Variants in UCP2 observed in about 807,000 individuals in gnomAD.
UCP2 encodes the protein uncoupling protein 2.
A neutral mutation model predicts 31.3 loss-of-function variants in UCP2; 27 were observed. That is an observed-to-expected ratio of 0.86 (90% CI 0.64 to 1.19). The LOEUF is 1.19. Ranked by LOEUF, UCP2 falls within the 50% of genes most tolerant of loss-of-function variation. UCP2 has a pLI of 0.00. For synonymous variants in UCP2, 142 were observed against 157.4 expected (o/e 0.90, Z 0.73); for missense variants, 377 against 413.5 (o/e 0.91, Z 0.76).
chr11:73,976,564 G>A, intron 6 of UCP2, 77 bp downstream of exon 6: 1 of 1,124,718 alleles, frequency 8.9e-7, no homozygotes, highest in Non-Finnish European at 1.3e-6. Context: ...GTGGTCTTCT[G>A]GTGTCAGCTA....
intron 7 of UCP2, 103 bp from the exon 8 acceptor site, chr11:73,975,224 T>TG: frequency 2.6e-6 from 3 of 1,149,540 alleles, no homozygotes; most frequent in Non-Finnish European, 3.8e-6. Context: ...CAAAGGAGGC[T>TG]GGGAGGACTC....
At position 73,974,959 on chromosome 11, in the gene UCP2, C is replaced by G; in HGVS notation, c.*48G>C. The G allele has an allele frequency of 1.6e-6, 2 of 1,267,428 alleles. No individual in the cohort carries two copies. The highest frequency in any genetic ancestry group is 2.1e-6 in the Non-Finnish European group (2 of 947,786). 78.5% of individuals were successfully genotyped at this position (1,267,428 alleles called of 1,614,324 possible). On this transcript the variant is annotated 3_prime_UTR_variant, in exon 8 of 8. Coordinates refer to ENST00000663595, the MANE Select transcript of UCP2 (RefSeq NM_003355.3). ...AGAAGGAAGAAAAGGAAAGCATGGC[C>G]CGGCTAGAGACAAAGCCAGAGGTGA...
rs769876535 is a variant in UCP2, at chr11:73,975,549, C to T, written c.757G>A (p.Ala253Thr). ...AGCATGGTAAGGGCACAGTGGCCAG[C>T]GCTACTGTACTGGCCCAGGGCAGAG... ...MNSALGQYSS[A>T]GHCALTMLQK... Residue 253 changes from alanine (A) to threonine (T), a missense_variant, in exon 7 of 8, where the codon GCT becomes ACT. Ala to Thr is a moderately conservative substitution (Grantham distance 58). Coordinates refer to ENST00000663595, the MANE Select transcript of UCP2 (RefSeq NM_003355.3). 29 of 1,613,750 alleles carry T rather than the reference C, an allele frequency of 1.8e-5. No homozygotes were observed. Among genetic ancestry groups the T allele is most frequent in the South Asian group, 4.4e-5 (4 of 91,050 alleles).
intron 4 of UCP2, among the ~76,000 whole-genome samples, chr11:73,977,597 A>C (rs1951374927): frequency 6.6e-6 from 1 of 151,948 alleles, no homozygotes; most frequent in South Asian, 2.1e-4. Flanking sequence ...CCAAGTCCCC[A>C]CTCTACCCAC....
At chr11:73,976,513 T>A (rs561789204) in intron 6 of UCP2, 128 bp downstream of exon 6, 1 of 773,514 alleles carries the variant, frequency 1.3e-6, no homozygotes, top group African/African-American at 1.7e-5. Context: ...AAGTAAGAGA[T>A]ATCTTACTCT....
chr11:73,977,039 AG>A (rs1951361889), intron 4 of UCP2, 22 bp from the exon 5 acceptor site: 2 of 1,588,498 alleles, frequency 1.3e-6, no homozygotes, highest in East Asian at 2.2e-5. Flanking sequence ...CCATGGGGTC[AG>A]TGGCCAGCGG....
chr11:73,978,215 G>GTT lies in UCP2; in HGVS notation c.126+37_126+38insAA, dbSNP rs1951393419. ...TCTGTGTCTTTGGGGAGGGAACAGA[G>GTT]TAGACACCATCAAGACTCCCAGGCT... On this transcript the variant is annotated intron_variant, in intron 3 of 7. Coordinates refer to ENST00000663595, the MANE Select transcript of UCP2 (RefSeq NM_003355.3). The GTT allele has an allele frequency of 2.5e-6, 4 of 1,614,146 alleles. No homozygotes were observed. In the East Asian group the frequency reaches 8.9e-5, roughly 36 times the overall value.
Position 73,975,577 on chromosome 11 carries a change from C to G in UCP2, c.729G>C (p.Met243Ile), listed in dbSNP as rs139945658. 2.2e-5 allele frequency: 36 copies of G among 1,614,172 alleles called. 1 individual carries two copies. The highest frequency in any genetic ancestry group is 1.4e-5 in the Non-Finnish European group (17 of 1,180,034). ...TACTGTACTGGCCCAGGGCAGAGTT[C>G]ATGTATCTCGTCTTGACCACGTCTA... is the stretch of plus-strand genomic sequence containing the variant. Reference protein sequence around the residue: ...SPVDVVKTRYMNSALGQYSSA... With the variant: ...SPVDVVKTRYINSALGQYSSA... The change falls in exon 7 of 8, where the codon ATG (methionine) becomes ATC (isoleucine). Residue 243 changes from methionine (M) to isoleucine (I), a missense_variant. Physicochemically the swap from Met to Ile is conservative, Grantham distance 10. Transcript: ENST00000663595.
chr11:73,982,250 A>C (rs554248871), intron 1 of UCP2, among the ~76,000 whole-genome samples: 47 of 152,346 alleles, frequency 3.1e-4, no homozygotes, highest in Admixed American at 1.0e-3. Context: ...AACAAAAGGG[A>C]CTAAGAAAAA....
Position 73,976,819 on chromosome 11 carries a change from A to G in UCP2, c.532+4T>C. The stretch of plus-strand genomic sequence containing the variant: ...AAGGGGAAGGGAAAACAACTGGTAC[A>G]CACCTTTCCAGAGGCCCCGGAACCC... On this transcript the variant is annotated splice_donor_region_variant and intron_variant, in intron 5 of 7. Coordinates refer to ENST00000663595, the MANE Select transcript of UCP2 (RefSeq NM_003355.3). 1 of 1,614,188 alleles carries G rather than the reference A, an allele frequency of 6.2e-7. No homozygotes were observed. The highest frequency in any genetic ancestry group is 1.3e-5 in the African/African-American group (1 of 75,040).
rs771272313 is a variant in UCP2 at position 73,975,720 on chromosome 11, C to G, written c.635-49G>C. On this transcript the variant is annotated intron_variant, in intron 6 of 7. Coordinates refer to ENST00000663595, the MANE Select transcript of UCP2 (RefSeq NM_003355.3). ...CAGTCAAGATCTTCACCCATCATTC[C>G]AGAAGGCAGGAGAATTACTTAAGTA... 2.5e-6 allele frequency: 4 copies of G among 1,607,896 alleles called. No individual in the cohort carries two copies. The South Asian group carries it at 4.4e-5, about 18-fold the overall frequency.
chr11:73,974,998 A>G lies in UCP2; in HGVS notation c.*9T>C, dbSNP rs2135361668. 6.4e-7 allele frequency: 1 copy of G among 1,555,720 alleles called. No homozygotes were observed. The highest frequency in any genetic ancestry group is 1.7e-4 in the Middle Eastern group (1 of 5,844). ...AGCCAGAGGTGATCAGGTCAGCAGC[A>G]GGAGAGGCTCAGAAGGGAGCCTCTC... On this transcript the variant is annotated 3_prime_UTR_variant, in exon 8 of 8. Transcript: ENST00000663595.
At position 73,975,023 on chromosome 11, in the gene UCP2, CG is replaced by C. The variant is rs775566898; in HGVS notation, c.913del (p.Arg305GlufsTer13). 6.2e-7 allele frequency: 1 copy of C among 1,608,848 alleles called. No homozygotes were observed. Among genetic ancestry groups the C allele is most frequent in the Admixed American group, 1.7e-5 (1 of 59,320 alleles). On this transcript the variant is annotated frameshift_variant, in exon 8 of 8. Coordinates refer to ENST00000663595, the MANE Select transcript of UCP2 (RefSeq NM_003355.3). LOFTEE classifies it high-confidence loss of function. The stretch of plus-strand genomic sequence containing the variant: ...AGGAGAGGCTCAGAAGGGAGCCTCT[CG>C]GGAAGTGCAGGCAGCCATGAGGGCT... ...KRALMAACTS[R>X]EAPF
At position 73,974,942 on chromosome 11, in the gene UCP2, G is replaced by C; in HGVS notation, c.*65C>G. ...GGAAGGAGGGAAGAGAAAGAAGGAA[G>C]AAAAGGAAAGCATGGCCCGGCTAGA... On this transcript the variant is annotated 3_prime_UTR_variant, in exon 8 of 8. Transcript: ENST00000663595. 1 of 1,371,824 alleles carries C rather than the reference G, an allele frequency of 7.3e-7. No homozygotes were observed. Among genetic ancestry groups the C allele is most frequent in the South Asian group, 1.2e-5 (1 of 81,810 alleles). 85.0% of individuals were successfully genotyped at this position (1,371,824 alleles called of 1,614,324 possible). A position where few individuals can be genotyped will look rare whatever the true frequency, so the allele number is the denominator to read the frequency against.
chr11:73,976,077 CA>C (rs1041665047), intron 6 of UCP2, among the ~76,000 whole-genome samples: 2 of 151,942 alleles, frequency 1.3e-5, no homozygotes, highest in Non-Finnish European at 2.9e-5. Flanking sequence ...AAAAAACAAA[CA>C]AGAGGATGGG....
chr11:73,982,472 C>T (rs562822008), intron 1 of UCP2, among the ~76,000 whole-genome samples: 1 of 152,298 alleles, frequency 6.6e-6, no homozygotes, highest in Non-Finnish European at 1.5e-5. Flanking sequence ...GTAATCCCAG[C>T]TACTCGGCAG....
intron 4 of UCP2, among the ~76,000 whole-genome samples, chr11:73,977,329 T>C (rs1232444701): frequency 6.6e-6 from 1 of 152,196 alleles, no homozygotes; most frequent in Non-Finnish European, 1.5e-5. Flanking sequence ...ATCTGACAAA[T>C]GTGAAAACCA....
chr11:73,974,912 AGAAG>A lies in UCP2; in HGVS notation c.*91_*94del. 1.4e-6 allele frequency: 1 copy of A among 707,806 alleles called. No homozygotes were observed. The allele number at this position is 707,806 out of a possible 1,614,324, so 43.8% of individuals were successfully genotyped here. On this transcript the variant is annotated 3_prime_UTR_variant, in exon 8 of 8. Coordinates refer to ENST00000663595, the MANE Select transcript of UCP2 (RefSeq NM_003355.3). ...AAGAGGTGGGGAAAGAGGGAAGGAG[AGAAG>A]GGAAGGAGGGAAGAGAAAGAAGGAA...
Position 73,978,487 on chromosome 11 carries a change from G to A in UCP2, c.-99-10C>T, listed in dbSNP as rs577548374. Reference sequence around the variant, plus strand: ...GGAACTCTGCCGGAATCTAAGCCAAGAGGAGAAAAGCCCCATTAGCCACAA... The same window carrying A: ...GGAACTCTGCCGGAATCTAAGCCAAAAGGAGAAAAGCCCCATTAGCCACAA... On this transcript the variant is annotated splice_polypyrimidine_tract_variant and intron_variant, in intron 2 of 7. Transcript: ENST00000663595. 2 of 1,509,814 alleles carry A rather than the reference G, an allele frequency of 1.3e-6. No individual in the cohort carries two copies. The highest frequency in any genetic ancestry group is 1.4e-5 in the African/African-American group (1 of 72,590). 93.5% of individuals were successfully genotyped at this position (1,509,814 alleles called of 1,614,324 possible).
Sources: gnomAD v4.1 joint callset for allele counts (sites outside exome capture counted in the v4.1 genomes callset) on GRCh38, gnomAD v4.1.1 for gene constraint, MANE v1.5 for transcripts, NCBI Gene and HGNC (gene_info 2026-07-23, HGNC 2026-07-21) for gene names.